GABRG1: variants seen among roughly 807,000 people sequenced by gnomAD.
GABRG1 encodes the protein gamma-aminobutyric acid type A receptor subunit gamma1, also known as gamma-aminobutyric acid receptor subunit gamma-1.
In GABRG1, 49 loss-of-function variants were observed where a neutral mutation model predicts 49.8. The observed-to-expected ratio is 0.98, with a 90% CI of 0.78 to 1.25. GABRG1 has a LOEUF of 1.25. Among genes scored for constraint, GABRG1 ranks in the 50% most tolerant of loss-of-function variants. The probability of loss-of-function intolerance (pLI) is 0.00; values close to 1 mark genes in which losing one functional copy is unlikely to be tolerated. For synonymous variants in GABRG1, 232 were observed against 185.1 expected, an observed-to-expected ratio of 1.25 and a Z score of -2.06; for missense variants, 552 against 552.3, an observed-to-expected ratio of 1.00 and a Z score of 0.01.
In GABRG1 at chr4:46,038,121, A is replaced by C. The variant is rs1429834362; in HGVS notation, c.*2867T>G. On this transcript the variant is annotated 3_prime_UTR_variant, in exon 9 of 9. Transcript: ENST00000295452. ...ATAAAATGCCTCCAATTAGTTATCTAATTCCCACTTACATCAAGACTTCAG... is the reference window on the plus strand; with the variant it reads ...ATAAAATGCCTCCAATTAGTTATCTCATTCCCACTTACATCAAGACTTCAG... 1 of 151,694 alleles carries C rather than the reference A, an allele frequency of 6.6e-6. No individual in the cohort carries two copies. The highest frequency in any genetic ancestry group is 2.4e-5 in the African/African-American group (1 of 41,402). 9.4% of individuals were successfully genotyped at this position (151,694 alleles called of 1,614,324 possible). A position where few individuals can be genotyped will look rare whatever the true frequency, so the allele number is the denominator to read the frequency against.
At chr4:46,079,158 T>G (rs1278669701) in intron 3 of GABRG1, among the ~76,000 whole-genome samples, 1 of 151,856 alleles carries the variant, frequency 6.6e-6, no homozygotes, top group Non-Finnish European at 1.5e-5. Flanking sequence ...CTGTTACATA[T>G]TTCTGCACAG....
At chr4:46,102,595 A>G in intron 1 of GABRG1, among the ~76,000 whole-genome samples, 1 of 149,136 alleles carries the variant, frequency 6.7e-6, no homozygotes, top group Admixed American at 6.7e-5. Context: ...TCTGTTTCTC[A>G]AAGACTTCTT....
Position 46,062,228 on chromosome 4 carries a change from G to A in GABRG1, c.625+2213C>T, listed in dbSNP as rs1450562055. Among the ~76,000 whole-genome samples the A allele has an allele frequency of 2.6e-5, 4 of 151,958 alleles. No homozygotes were observed. In the East Asian group the frequency reaches 5.8e-4, roughly 22 times the overall value. On this transcript the variant is annotated intron_variant, in intron 5 of 8. Coordinates refer to ENST00000295452, the MANE Select transcript of GABRG1 (RefSeq NM_173536.4). Reference sequence around the variant, plus strand: ...AACTCAACATTTTTATGGCTGCATAGTATTCCATGGTGTATATGTGCCACA... The same window carrying A: ...AACTCAACATTTTTATGGCTGCATAATATTCCATGGTGTATATGTGCCACA...
In GABRG1 at chr4:46,058,458, AT is replaced by A. The variant is rs761725919; in HGVS notation, c.763+26del. On this transcript the variant is annotated intron_variant, in intron 6 of 8. Transcript: ENST00000295452. The stretch of plus-strand genomic sequence containing the variant: ...AAAAATGTCATTTAATGCTAGCATC[AT>A]TTCACTATTTGAGTATTCTTTTTAC... The A allele has an allele frequency of 5.0e-6, 8 of 1,607,834 alleles. No homozygotes were observed. The African/African-American group carries it at 8.0e-5, about 16-fold the overall frequency.
Position 46,037,638 on chromosome 4 carries a change from TG to T in GABRG1, c.*3349del, listed in dbSNP as rs1402426301. 6.6e-6 allele frequency: 1 copy of T among 151,774 alleles called. No homozygotes were observed. Among genetic ancestry groups the T allele is most frequent in the Non-Finnish European group, 1.5e-5 (1 of 67,824 alleles). 9.4% of individuals were successfully genotyped at this position (151,774 alleles called of 1,614,324 possible). A position where few individuals can be genotyped will look rare whatever the true frequency, so the allele number is the denominator to read the frequency against. ...TGTAGTATTTTTTTACAGGAAATTT[TG>T]TAAGAGTAAAAATAGGTACTGGTAT... On this transcript the variant is annotated 3_prime_UTR_variant, in exon 9 of 9. Coordinates refer to ENST00000295452, the MANE Select transcript of GABRG1 (RefSeq NM_173536.4).
intron 3 of GABRG1, among the ~76,000 whole-genome samples, chr4:46,080,833 AGGCATT>A (rs1395022774): frequency 6.6e-6 from 1 of 151,842 alleles, no homozygotes; most frequent in Non-Finnish European, 1.5e-5. Context: ...TCTTTTCTCT[AGGCATT>A]GGTTACTTAG....
At chr4:46,113,571 A>G (rs1304704243) in intron 1 of GABRG1, among the ~76,000 whole-genome samples, 3 of 151,192 alleles carry the variant, frequency 2.0e-5, no homozygotes, top group Admixed American at 6.6e-5. Flanking sequence ...TCCTATACAT[A>G]AATGATAAAG....
At chr4:46,091,032 C>G (rs1283633481) in intron 2 of GABRG1, among the ~76,000 whole-genome samples, 1 of 151,452 alleles carries the variant, frequency 6.6e-6, no homozygotes, top group African/African-American at 2.4e-5. Context: ...GATTTCCCCT[C>G]AAGGCATTTG....
intron 3 of GABRG1, among the ~76,000 whole-genome samples, chr4:46,078,177 T>TC (rs1265679284): frequency 2.6e-5 from 4 of 151,938 alleles, no homozygotes; most frequent in Non-Finnish European, 4.4e-5. Flanking sequence ...ATAATAGATT[T>TC]TAAAAATACA....
In GABRG1 at chr4:46,036,266, C is replaced by T. The variant is rs1577620619; in HGVS notation, c.*4722G>A. The T allele has an allele frequency of 2.0e-5, 3 of 151,734 alleles. No homozygotes were observed. The highest frequency in any genetic ancestry group is 2.0e-4 in the Admixed American group (3 of 15,206). 9.4% of individuals were successfully genotyped at this position (151,734 alleles called of 1,614,324 possible). On this transcript the variant is annotated 3_prime_UTR_variant, in exon 9 of 9. Coordinates refer to ENST00000295452, the MANE Select transcript of GABRG1 (RefSeq NM_173536.4). ...GTAGACTATTTCTACCTGCAATTCT[C>T]TTATTCTCTTTGTCCAAATATATAT... is the stretch of plus-strand genomic sequence containing the variant.
At chr4:46,046,162 C>G (rs1199863468) in intron 8 of GABRG1, among the ~76,000 whole-genome samples, 2 of 152,016 alleles carry the variant, frequency 1.3e-5, no homozygotes, top group Non-Finnish European at 2.9e-5. Context: ...TAGTTTCAAC[C>G]ATGCTCCACT....
intron 1 of GABRG1, among the ~76,000 whole-genome samples, chr4:46,106,079 C>A (rs1026076085): frequency 6.6e-6 from 1 of 151,426 alleles, no homozygotes; most frequent in Non-Finnish European, 1.5e-5. Context: ...AATCAACAGG[C>A]AGGCTGCTTA....
At chr4:46,090,649 G>C (rs1247709369) in intron 2 of GABRG1, among the ~76,000 whole-genome samples, 1 of 151,884 alleles carries the variant, frequency 6.6e-6, no homozygotes, top group Non-Finnish European at 1.5e-5. Flanking sequence ...ACCCAATAAA[G>C]AAAACTATAA....
chr4:46,104,674 G>T (rs1487802719), intron 1 of GABRG1, among the ~76,000 whole-genome samples: 1 of 151,246 alleles, frequency 6.6e-6, no homozygotes, highest in Non-Finnish European at 1.5e-5. Context: ...CTACATTCTA[G>T]TTGGGATTTT....
At chr4:46,076,571 G>C (rs184645845) in intron 3 of GABRG1, among the ~76,000 whole-genome samples, 1 of 151,062 alleles carries the variant, frequency 6.6e-6, no homozygotes, top group Admixed American at 6.6e-5. Context: ...TAGTGACTTG[G>C]AGCAGCCAGT....
At chr4:46,111,425 A>G (rs918739116) in intron 1 of GABRG1, among the ~76,000 whole-genome samples, 2 of 151,234 alleles carry the variant, frequency 1.3e-5, no homozygotes, top group African/African-American at 4.8e-5. Flanking sequence ...GGACAAAGCA[A>G]TTTACACATT....
chr4:46,084,122 TAAAG>T, intron 2 of GABRG1, 69 bp from the exon 3 acceptor site: 1 of 870,134 alleles, frequency 1.1e-6, no homozygotes, highest in Non-Finnish European at 1.8e-6. Context: ...ATCTTAGTTT[TAAAG>T]AAATCTTAAT....
chr4:46,113,567 A>G (rs1316256649), intron 1 of GABRG1, among the ~76,000 whole-genome samples: 1 of 151,196 alleles, frequency 6.6e-6, no homozygotes, highest in Non-Finnish European at 1.5e-5. Context: ...AAAATCCTAT[A>G]CATAAATGAT....
At chr4:46,058,873 T>C (rs769650646) in intron 5 of GABRG1, among the ~76,000 whole-genome samples, 3 of 152,050 alleles carry the variant, frequency 2.0e-5, no homozygotes, top group Non-Finnish European at 4.4e-5. Flanking sequence ...AAACCCAATA[T>C]GTCCACCCCA....
Sources: allele counts gnomAD v4.1 joint callset (sites outside exome capture counted in the v4.1 genomes callset), GRCh38; gene constraint gnomAD v4.1.1; transcripts MANE v1.5; gene names NCBI Gene and HGNC (gene_info 2026-07-23, HGNC 2026-07-21).